Variants in EPS8 observed in about 807,000 individuals in gnomAD.
EPS8 encodes EGFR pathway substrate 8, signaling adaptor.
A neutral mutation model predicts 103.8 loss-of-function variants in EPS8; 42 were observed. The observed-to-expected ratio is 0.40, with a 90% confidence interval of 0.32 to 0.52. The LOEUF is 0.52. Among genes scored for constraint, EPS8 ranks in the 20% least tolerant of loss-of-function variants. The pLI is 0.40. For missense variants in EPS8, 969 were observed against 1,005.1 expected (o/e 0.96, Z 0.49); for synonymous variants, 344 against 344.6 (o/e 1.00, Z 0.02).
intron 1 of EPS8, among the ~76,000 whole-genome samples, chr12:15,750,738 A>G (rs1287594787): frequency 6.6e-6 from 1 of 152,208 alleles, no homozygotes; most frequent in African/African-American, 2.4e-5. Context: ...TATGATACTG[A>G]ATAGAAACAT....
At position 15,634,593 on chromosome 12, in the gene EPS8, C is replaced by T. The variant is rs1591806025; in HGVS notation, c.1822-2929G>A. ...TAAATATTTAACCTACTCTAAATTA[C>T]ACATTTTTCCTCTAAATTTGGTTAT... is the stretch of plus-strand genomic sequence containing the variant. On this transcript the variant is annotated intron_variant, in intron 17 of 20. Coordinates refer to ENST00000281172, the MANE Select transcript of EPS8 (RefSeq NM_004447.6). 1.0e-5 allele frequency: 4 copies of T among 393,194 alleles called. No homozygotes were observed. In the East Asian group the frequency reaches 1.4e-4, roughly 14 times the overall value. 24.4% of individuals were successfully genotyped at this position (393,194 alleles called of 1,614,324 possible).
Position 15,658,129 on chromosome 12 carries a change from T to G in EPS8, c.1051A>C (p.Asn351His). 6.2e-7 allele frequency: 1 copy of G among 1,611,378 alleles called. No individual in the cohort carries two copies. The highest frequency in any genetic ancestry group is 8.5e-7 in the Non-Finnish European group (1 of 1,178,208). The change falls in exon 12 of 21, where the codon AAT becomes CAT. Residue 351 changes from asparagine to histidine, a missense_variant. Physicochemically the swap from Asn to His is moderately conservative, Grantham distance 68 (BLOSUM62 1). Transcript: ENST00000281172. ...LLAKLKSHIQ[N>H]PSAADLVHFL... ...TGAACCAAATCTGCAGCACTAGGATTCTGAATATGAGACTTCAGTTTGGCC... is the reference window on the plus strand; with the variant it reads ...TGAACCAAATCTGCAGCACTAGGATGCTGAATATGAGACTTCAGTTTGGCC...
At chr12:15,758,206 C>T (rs975648093) in intron 1 of EPS8, among the ~76,000 whole-genome samples, 5 of 152,200 alleles carry the variant, frequency 3.3e-5, no homozygotes, top group African/African-American at 1.2e-4. Flanking sequence ...CCCCACCTCT[C>T]AGCTGCAGGA....
chr12:15,637,026 T>C lies in EPS8; in HGVS notation c.1821+3677A>G, dbSNP rs529303405. Among the ~76,000 whole-genome samples, 4 of 152,374 alleles carry C rather than the reference T, an allele frequency of 2.6e-5. No individual in the cohort carries two copies. In the South Asian group the frequency reaches 8.3e-4, roughly 32 times the overall value. ...ATGACAATCTTTGTTTTTTCTTCTT[T>C]TTCTTCTTGTTTTGAGACGGAGTCT... On this transcript the variant is annotated intron_variant, in intron 17 of 20. Transcript: ENST00000281172.
rs1416352006 is a variant in EPS8 at position 15,716,105 on chromosome 12, C to T, written c.-21-33133G>A. ...ATTCCAACCCAACATTTCAAAGTAT[C>T]ACTAAACTTGAGAGCTGAAAGAAAT... is the stretch of plus-strand genomic sequence containing the variant. On this transcript the variant is annotated intron_variant, in intron 1 of 20. Coordinates refer to ENST00000281172, the MANE Select transcript of EPS8 (RefSeq NM_004447.6). The surrounding 1 kb of genome is among the most constrained non-coding windows in gnomAD (Gnocchi z 5.0). Among the ~76,000 whole-genome samples, 1 of 152,100 alleles carries T rather than the reference C, an allele frequency of 6.6e-6. No homozygotes were observed. Among genetic ancestry groups the T allele is most frequent in the Non-Finnish European group, 1.5e-5 (1 of 68,012 alleles).
rs1425903262 is a variant in EPS8 at position 15,736,986 on chromosome 12, G to A, written c.-22+52175C>T. On this transcript the variant is annotated intron_variant, in intron 1 of 20. Transcript: ENST00000281172. The surrounding 1 kb of genome is among the most constrained non-coding windows in gnomAD (Gnocchi z 4.2). ...ATACTTTAATTCATGTAGCTAGACAGCTAGGAAACTCAGTTGTTTTTGAAT... is the reference window on the plus strand; with the variant it reads ...ATACTTTAATTCATGTAGCTAGACAACTAGGAAACTCAGTTGTTTTTGAAT... Among the ~76,000 whole-genome samples, 1 of 152,114 alleles carries A rather than the reference G, an allele frequency of 6.6e-6. No homozygotes were observed. The highest frequency in any genetic ancestry group is 1.5e-5 in the Non-Finnish European group (1 of 68,010).
intron 1 of EPS8, among the ~76,000 whole-genome samples, chr12:15,703,426 G>A (rs1318031467): frequency 6.6e-6 from 1 of 152,096 alleles, no homozygotes; most frequent in Non-Finnish European, 1.5e-5. Flanking sequence ...AGTAACATCA[G>A]GTCTTGAAAG....
At position 15,665,657 on chromosome 12, in the gene EPS8, C is replaced by A. The variant is rs1029904657; in HGVS notation, c.736+99G>T. 1.4e-5 allele frequency: 20 copies of A among 1,449,900 alleles called. No homozygotes were observed. The African/African-American group carries it at 2.6e-4, about 19-fold the overall frequency. 89.8% of individuals were successfully genotyped at this position (1,449,900 alleles called of 1,614,324 possible). Reference sequence around the variant, plus strand: ...GAGTTGATTTTTTAAAAACTAACCTCAAGCTTCAGTTCTGAAATCAGCATC... The same window carrying A: ...GAGTTGATTTTTTAAAAACTAACCTAAAGCTTCAGTTCTGAAATCAGCATC... On this transcript the variant is annotated intron_variant, in intron 8 of 20. Transcript: ENST00000281172.
intron 4 of EPS8, 62 bp downstream of exon 4, chr12:15,670,794 C>T (rs1479769955): frequency 1.8e-6 from 2 of 1,135,312 alleles, no homozygotes; most frequent in Non-Finnish European, 2.6e-6. Context: ...TCTGATTTAA[C>T]TTCCAATTTT....
intron 1 of EPS8, among the ~76,000 whole-genome samples, chr12:15,750,294 TCTC>T (rs1292985980): frequency 6.6e-6 from 1 of 151,996 alleles, no homozygotes; most frequent in Non-Finnish European, 1.5e-5. Context: ...ACAAAAAAAT[TCTC>T]CTATTTACAT....
chr12:15,650,779 A>C (rs763863328), intron 14 of EPS8, 44 bp downstream of exon 14: 2 of 1,452,566 alleles, frequency 1.4e-6, no homozygotes, highest in African/African-American at 2.8e-5. Context: ...GAATACACAG[A>C]TAATTACACT....
In EPS8 at chr12:15,695,099, T is replaced by G. The variant is rs1946225190; in HGVS notation, c.-21-12127A>C. On this transcript the variant is annotated intron_variant, in intron 1 of 20. Transcript: ENST00000281172. This position sits in a 1 kb window ranked among gnomAD's most constrained non-coding sequence, Gnocchi z 5.0. ...CTCATTTTAATGAGAATCTGAGACTTTAAATTAGAGTTATAAGTAAAGGTA... is the reference window on the plus strand; with the variant it reads ...CTCATTTTAATGAGAATCTGAGACTGTAAATTAGAGTTATAAGTAAAGGTA... 6.6e-6 allele frequency among the ~76,000 whole-genome samples: 1 copy of G among 151,980 alleles called. No homozygotes were observed. Among genetic ancestry groups the G allele is most frequent in the South Asian group, 2.1e-4 (1 of 4,830 alleles).
rs1947209083 is a variant in EPS8, at chr12:15,776,626, T to G, written c.-22+12535A>C. The stretch of plus-strand genomic sequence containing the variant: ...CCACATTCAGAACTGTCTTTTATTT[T>G]GCAGTTATTTATTGAATACTTATTC... On this transcript the variant is annotated intron_variant, in intron 1 of 20. Coordinates refer to ENST00000281172, the MANE Select transcript of EPS8 (RefSeq NM_004447.6). This position sits in a 1 kb window ranked among gnomAD's most constrained non-coding sequence, Gnocchi z 4.2. Among the ~76,000 whole-genome samples, 1 of 152,226 alleles carries G rather than the reference T, an allele frequency of 6.6e-6. No individual in the cohort carries two copies.
At chr12:15,678,462 C>T (rs1375689547) in intron 3 of EPS8, among the ~76,000 whole-genome samples, 1 of 152,164 alleles carries the variant, frequency 6.6e-6, no homozygotes, top group Non-Finnish European at 1.5e-5. Context: ...GGATTTGCCC[C>T]TTTCAATCCA....
Position 15,623,178 on chromosome 12 carries a change from C to T in EPS8, c.2335G>A (p.Val779Ile), listed in dbSNP as rs748952612. Residue 779 changes from valine (V) to isoleucine (I), a missense_variant, in exon 20 of 21, where the codon GTA becomes ATA. Val to Ile is a conservative substitution (Grantham distance 29). Coordinates refer to ENST00000281172, the MANE Select transcript of EPS8 (RefSeq NM_004447.6). ...CATACCTCCAATGCAGCTTTTTGTA[C>T]AGTGATTTGGCTATAGACTCTCGCC... ...EGARVYSQIT[V>I]QKAALEDSSG... 6.2e-7 allele frequency: 1 copy of T among 1,607,602 alleles called. No individual in the cohort carries two copies. The highest frequency in any genetic ancestry group is 2.2e-5 in the East Asian group (1 of 44,816).
At chr12:15,722,694 G>C (rs928100144) in intron 1 of EPS8, among the ~76,000 whole-genome samples, 1 of 152,206 alleles carries the variant, frequency 6.6e-6, no homozygotes, top group Non-Finnish European at 1.5e-5. Context: ...AGCGCCAGCA[G>C]ATTCAGTGTC....
At chr12:15,724,772 C>T (rs913345028) in intron 1 of EPS8, among the ~76,000 whole-genome samples, 1 of 152,154 alleles carries the variant, frequency 6.6e-6, no homozygotes, top group African/African-American at 2.4e-5. Flanking sequence ...TTCTCTCGTA[C>T]CTGCCACCAT....
chr12:15,707,852 C>T (rs946012588), intron 1 of EPS8, among the ~76,000 whole-genome samples: 2 of 152,110 alleles, frequency 1.3e-5, no homozygotes, highest in African/African-American at 4.8e-5. Flanking sequence ...CTTTTGTTCC[C>T]CAACTTCCAA....
intron 1 of EPS8, among the ~76,000 whole-genome samples, chr12:15,743,872 G>T (rs895267267): frequency 6.6e-6 from 1 of 152,086 alleles, no homozygotes; most frequent in South Asian, 2.1e-4. Context: ...ATGACTAAAA[G>T]ACCAAAAGTA....
Sources: gnomAD v4.1 joint callset for allele counts (sites outside exome capture counted in the v4.1 genomes callset) on GRCh38, gnomAD v4.1.1 for gene constraint, Gnocchi (gnomAD v3.1) non-coding constraint, MANE v1.5 for transcripts, NCBI Gene and HGNC (gene_info 2026-07-23, HGNC 2026-07-21) for gene names.